PTPRO: variants seen among roughly 807,000 people sequenced by gnomAD.
PTPRO encodes protein tyrosine phosphatase receptor type O, also known as receptor-type tyrosine-protein phosphatase O.
PTPRO carries 62 observed loss-of-function variants against 145.2 expected under a neutral mutation model. The ratio of observed to expected loss-of-function variants is 0.43; its 90% CI spans 0.35 to 0.53. The LOEUF is 0.53. Ranked by LOEUF, PTPRO falls within the 20% of genes least tolerant of loss-of-function variation. The probability of loss-of-function intolerance (pLI) is 0.01; values close to 1 mark genes in which losing one functional copy is unlikely to be tolerated. For missense variants in PTPRO, 1,345 were observed against 1,482.7 expected (o/e 0.91, Z 1.53); for synonymous variants, 565 against 514.7 (o/e 1.10, Z -1.32).
At chr12:15,533,687 A>C (rs73311921) in intron 12 of PTPRO, among the ~76,000 whole-genome samples, 312 of 152,266 alleles carry the variant, frequency 2.0e-3, no homozygotes, top group African/African-American at 7.3e-3. Context: ...CTTTCATTCT[A>C]GTTGTTTTAT....
chr12:15,561,023 C>G (rs2135586356), intron 17 of PTPRO, among the ~76,000 whole-genome samples: 1 of 152,128 alleles, frequency 6.6e-6, no homozygotes, highest in Non-Finnish European at 1.5e-5. Flanking sequence ...GTAATGATAA[C>G]AGTAACCTTG....
At chr12:15,505,151 G>A (rs1441675679) in intron 6 of PTPRO, among the ~76,000 whole-genome samples, 1 of 152,158 alleles carries the variant, frequency 6.6e-6, no homozygotes, top group Non-Finnish European at 1.5e-5. Context: ...CACCAGTACA[G>A]ATCCACCGCA....
chr12:15,516,691 A>G, intron 8 of PTPRO, 72 bp from the exon 9 acceptor site: 1 of 1,352,378 alleles, frequency 7.4e-7, no homozygotes. Context: ...GTCATTAAGT[A>G]GAAGTTTGAG....
intron 26 of PTPRO, 98 bp downstream of exon 26, chr12:15,595,155 A>G (rs1591783291): frequency 2.5e-6 from 2 of 792,690 alleles, no homozygotes; most frequent in East Asian, 5.4e-5. Context: ...ATTTGTATTG[A>G]CTCTGACTTC....
chr12:15,513,372 A>C (rs1217969468), intron 7 of PTPRO, among the ~76,000 whole-genome samples: 1 of 152,168 alleles, frequency 6.6e-6, no homozygotes, highest in Non-Finnish European at 1.5e-5. Flanking sequence ...GCAGAATTAA[A>C]AATCTAAAAC....
chr12:15,504,184 T>C (rs750261346), intron 6 of PTPRO, 115 bp downstream of exon 6: 9 of 1,189,906 alleles, frequency 7.6e-6, no homozygotes, highest in Non-Finnish European at 9.6e-6. Context: ...ATGAGAAGTC[T>C]TCAAGATCAG....
chr12:15,594,897 A>G, intron 25 of PTPRO, 40 bp from the exon 26 acceptor site: 1 of 1,374,684 alleles, frequency 7.3e-7, no homozygotes, highest in Non-Finnish European at 1.0e-6. Context: ...ATATCTTTGC[A>G]CATGTCTGCT....
chr12:15,381,733 G>A (rs1287200108), intron 1 of PTPRO, among the ~76,000 whole-genome samples: 1 of 152,086 alleles, frequency 6.6e-6, no homozygotes, highest in Non-Finnish European at 1.5e-5. Flanking sequence ...TTTTGTTAAT[G>A]GCAATAGTAG....
At chr12:15,580,876 C>G (rs773731940) in intron 22 of PTPRO, 45 bp downstream of exon 22, 1 of 1,609,630 alleles carries the variant, frequency 6.2e-7, no homozygotes, top group Admixed American at 1.7e-5. Flanking sequence ...CAAAACCTGC[C>G]CTAGCCACTG....
intron 2 of PTPRO, 58 bp downstream of exon 2, chr12:15,484,305 G>T: frequency 1.9e-6 from 3 of 1,596,288 alleles, no homozygotes; most frequent in Non-Finnish European, 1.7e-6. Context: ...GTTTCTTCCC[G>T]TAGGGCTCGA....
chr12:15,402,411 A>G (rs1939522358), intron 1 of PTPRO, among the ~76,000 whole-genome samples: 1 of 152,022 alleles, frequency 6.6e-6, no homozygotes, highest in African/African-American at 2.4e-5. Context: ...AGAAAACCCA[A>G]TAGGAATTCC....
chr12:15,525,270 T>G lies in PTPRO; in HGVS notation c.2043+305T>G, dbSNP rs112721676. ...AAAACTACAATTAACGTGTTTCCCA[T>G]TTTTTCCCATATATCACCGACACCT... is the stretch of plus-strand genomic sequence containing the variant. On this transcript the variant is annotated intron_variant, in intron 11 of 26. Transcript: ENST00000281171. Among the ~76,000 whole-genome samples, 1,192 of 152,348 alleles carry G rather than the reference T, an allele frequency of 7.8e-3. 16 individuals are homozygous for G. The highest frequency in any genetic ancestry group is 0.027 in the African/African-American group (1,137 of 41,576).
intron 1 of PTPRO, among the ~76,000 whole-genome samples, chr12:15,411,052 A>C (rs2136312664): frequency 6.6e-6 from 1 of 152,344 alleles, no homozygotes; most frequent in South Asian, 2.1e-4. Flanking sequence ...GAAGTTGATT[A>C]TTATGAAAAA....
intron 12 of PTPRO, among the ~76,000 whole-genome samples, chr12:15,545,944 A>G (rs959108274): frequency 6.6e-6 from 1 of 151,852 alleles, no homozygotes; most frequent in Non-Finnish European, 1.5e-5. Flanking sequence ...GAGCCAGGGA[A>G]GATGAGGCTT....
chr12:15,573,184 G>A (rs567140916), intron 19 of PTPRO, among the ~76,000 whole-genome samples: 113 of 152,282 alleles, frequency 7.4e-4, no homozygotes, highest in African/African-American at 2.6e-3. Context: ...CAGGCTGGCA[G>A]GCTGGAGATC....
chr12:15,535,615 G>T (rs752213712), intron 12 of PTPRO, among the ~76,000 whole-genome samples: 1 of 152,226 alleles, frequency 6.6e-6, no homozygotes, highest in Non-Finnish European at 1.5e-5. Flanking sequence ...AATGTGACAC[G>T]CTTTATACAT....
chr12:15,509,126 T>C (rs188210506), intron 7 of PTPRO, among the ~76,000 whole-genome samples: 262 of 152,316 alleles, frequency 1.7e-3, no homozygotes, highest in Non-Finnish European at 3.2e-3. Flanking sequence ...ATATAATGAC[T>C]GCACTGTATG....
chr12:15,508,855 C>A, intron 7 of PTPRO, 88 bp downstream of exon 7: 2 of 1,348,646 alleles, frequency 1.5e-6, no homozygotes, highest in Non-Finnish European at 2.1e-6. Context: ...TGTAGGAAGC[C>A]AGGCTGAGGT....
In PTPRO at chr12:15,513,104, A is replaced by AAAG. The variant is rs1410650055; in HGVS notation, c.1465-2391_1465-2389dup. Among the ~76,000 whole-genome samples the AAAG allele has an allele frequency of 2.9e-3, 45 of 15,670 alleles. 3 individuals are homozygous for AAAG. The highest frequency in any genetic ancestry group is 6.0e-3 in the African/African-American group (42 of 7,034). The allele number at this position is 15,670 out of a possible 152,430, so 10.3% of individuals were successfully genotyped here. ...AGAAAGAAAGAAAGAAGAAAGAAAG[A>AAAG]AAGAAAGGAAGGAAGGAAGGAAGGA... On this transcript the variant is annotated intron_variant, in intron 7 of 26. Coordinates refer to ENST00000281171, the MANE Select transcript of PTPRO (RefSeq NM_030667.3).
Sources: gnomAD v4.1 joint callset for allele counts (sites outside exome capture counted in the v4.1 genomes callset) on GRCh38, gnomAD v4.1.1 for gene constraint, MANE v1.5 for transcripts, NCBI Gene and HGNC (gene_info 2026-07-23, HGNC 2026-07-21) for gene names.